TMEM132D: variants seen among roughly 807,000 people sequenced by gnomAD.
TMEM132D encodes transmembrane protein 132D, also known as mature OL transmembrane protein.
A neutral mutation model predicts 62.3 loss-of-function variants in TMEM132D; 21 were observed. The observed-to-expected ratio is 0.34, with a 90% CI of 0.24 to 0.49. The LOEUF (loss-of-function observed/expected upper bound fraction) is 0.49, where lower values mean the gene tolerates loss of function less well. Ranked by LOEUF, TMEM132D falls within the 20% of genes least tolerant of loss-of-function variation. TMEM132D has a pLI of 0.99. For synonymous variants in TMEM132D, 621 were observed against 575.6 expected (o/e 1.08, Z -1.13); for missense variants, 1,346 against 1,402.8 (o/e 0.96, Z 0.65).
chr12:129,669,325 G>T (rs565992788), intron 2 of TMEM132D, among the ~76,000 whole-genome samples: 1 of 152,250 alleles, frequency 6.6e-6, no homozygotes, highest in East Asian at 1.9e-4. Flanking sequence ...TGTTCTTGAG[G>T]TTTTTTCCTG....
intron 4 of TMEM132D, among the ~76,000 whole-genome samples, chr12:129,221,310 C>G (rs2135573575): frequency 6.6e-6 from 1 of 152,322 alleles, no homozygotes; most frequent in East Asian, 1.9e-4. Context: ...TCCTGACCCA[C>G]ACAGGACATA....
intron 3 of TMEM132D, among the ~76,000 whole-genome samples, chr12:129,474,217 C>T (rs1251413688): frequency 6.6e-6 from 1 of 152,202 alleles, no homozygotes; most frequent in East Asian, 1.9e-4. Context: ...TCTCCAAAAC[C>T]ACAGTAATAT....
Position 129,073,809 on chromosome 12 carries a change from G to A in TMEM132D, c.*66C>T, listed in dbSNP as rs1340126742. On this transcript the variant is annotated 3_prime_UTR_variant, in exon 9 of 9. Coordinates refer to ENST00000422113, the MANE Select transcript of TMEM132D (RefSeq NM_133448.3). The stretch of plus-strand genomic sequence containing the variant: ...GCTTTGTTTCTCTTCCGGGGGCACC[G>A]TTGCTACACATCCTGGAATTAAAGG... The A allele has an allele frequency of 1.2e-5, 17 of 1,379,910 alleles. No homozygotes were observed. The highest frequency in any genetic ancestry group is 2.9e-5 in the African/African-American group (2 of 69,022). The allele number at this position is 1,379,910 out of a possible 1,614,324, so 85.5% of individuals were successfully genotyped here.
At chr12:129,224,373 C>G (rs12309767) in intron 4 of TMEM132D, among the ~76,000 whole-genome samples, 1 of 152,042 alleles carries the variant, frequency 6.6e-6, no homozygotes, top group African/African-American at 2.4e-5. Flanking sequence ...TTACTTGATA[C>G]AAAATTTGTT....
In TMEM132D at chr12:129,348,474, G is replaced by A. The variant is rs11612635; in HGVS notation, c.1116-10657C>T. On this transcript the variant is annotated intron_variant, in intron 3 of 8. Transcript: ENST00000422113. ...ACAGGAACAGAAAACCAAACACCAC[G>A]TGTTCCCACTCATAAGTGGGAGTTT... Among the ~76,000 whole-genome samples the A allele has an allele frequency of 9.9e-3, 1,511 of 152,052 alleles. 11 individuals carry two copies. Among genetic ancestry groups the A allele is most frequent in the Middle Eastern group, 0.02 (6 of 294 alleles).
Position 129,524,926 on chromosome 12 carries a change from T to C in TMEM132D, c.1115+6133A>G, listed in dbSNP as rs1431331583. ...ATTATTTTCATATTTTTTTCTTTTT[T>C]CTTTTTTTTTTTTTTTTTGAGACGG... is the stretch of plus-strand genomic sequence containing the variant. On this transcript the variant is annotated intron_variant, in intron 3 of 8. Transcript: ENST00000422113. Among the ~76,000 whole-genome samples, 62 of 75,842 alleles carry C rather than the reference T, an allele frequency of 8.2e-4. 5 individuals carry two copies. The highest frequency in any genetic ancestry group is 3.2e-3 in the African/African-American group (61 of 19,354). 49.8% of individuals were successfully genotyped at this position (75,842 alleles called of 152,430 possible).
chr12:129,853,029 G>A (rs1159547393), intron 1 of TMEM132D: 1 of 152,182 alleles, frequency 6.6e-6, no homozygotes, highest in Non-Finnish European at 1.5e-5. Context: ...CATGACGGAA[G>A]ACTGATGGTT....
At chr12:129,153,220 C>A (rs1877128646) in intron 5 of TMEM132D, among the ~76,000 whole-genome samples, 1 of 152,106 alleles carries the variant, frequency 6.6e-6, no homozygotes, top group African/African-American at 2.4e-5. Context: ...CAGCCCTGTG[C>A]CAGACACTGG....
chr12:129,829,534 C>A (rs1475827768), intron 1 of TMEM132D, among the ~76,000 whole-genome samples: 1 of 152,158 alleles, frequency 6.6e-6, no homozygotes, highest in Non-Finnish European at 1.5e-5. Context: ...AAACTCAGGG[C>A]CTCCTTGTCT....
intron 3 of TMEM132D, among the ~76,000 whole-genome samples, chr12:129,394,049 A>G (rs950330496): frequency 1.3e-5 from 2 of 152,170 alleles, no homozygotes; most frequent in African/African-American, 4.8e-5. Context: ...TTCCCCCTTA[A>G]CAAGGCAAAA....
intron 1 of TMEM132D, among the ~76,000 whole-genome samples, chr12:129,898,348 T>G (rs1393410288): frequency 6.6e-6 from 1 of 152,112 alleles, no homozygotes; most frequent in Non-Finnish European, 1.5e-5. Flanking sequence ...AAATACCCAT[T>G]TTTTTGTCCC....
At position 129,902,876 on chromosome 12, in the gene TMEM132D, C is replaced by T. The variant is rs1875407020; in HGVS notation, c.79+385G>A. On this transcript the variant is annotated intron_variant, in intron 1 of 8. Transcript: ENST00000422113. ...GTCAATCCCAAATTCCAGAAATCTC[C>T]CTGGTCATCTCAATCCCCTCCTCCC... 2.0e-5 allele frequency among the ~76,000 whole-genome samples: 3 copies of T among 152,222 alleles called. No individual in the cohort carries two copies. In the South Asian group the frequency reaches 6.2e-4, roughly 31 times the overall value.
At chr12:129,362,358 G>A (rs1024991878) in intron 3 of TMEM132D, among the ~76,000 whole-genome samples, 2 of 152,050 alleles carry the variant, frequency 1.3e-5, no homozygotes, top group African/African-American at 2.4e-5. Context: ...TCAAAAGTGA[G>A]GCAATATTCT....
At chr12:129,637,882 C>A (rs142320238) in intron 2 of TMEM132D, among the ~76,000 whole-genome samples, 1 of 152,244 alleles carries the variant, frequency 6.6e-6, no homozygotes, top group Non-Finnish European at 1.5e-5. Context: ...CTCACCCACT[C>A]ACTATCACAA....
intron 1 of TMEM132D, among the ~76,000 whole-genome samples, chr12:129,810,574 CCCCCCACACT>C (rs984369735): frequency 4.1e-4 from 2 of 4,826 alleles, no homozygotes; most frequent in Non-Finnish European, 8.6e-4. Flanking sequence ...ACACACACAC[CCCCCCACACT>C]CTTTAACCTG....
chr12:129,692,755 C>T (rs1881092381), intron 2 of TMEM132D, among the ~76,000 whole-genome samples: 1 of 152,030 alleles, frequency 6.6e-6, no homozygotes, highest in Non-Finnish European at 1.5e-5. Context: ...GAACAGAAAA[C>T]CAAACACCAC....
At chr12:129,535,639 C>T (rs775505925) in intron 2 of TMEM132D, among the ~76,000 whole-genome samples, 4 of 152,128 alleles carry the variant, frequency 2.6e-5, no homozygotes, top group Non-Finnish European at 4.4e-5. Context: ...ATGAAATTCA[C>T]ACTGGGGCTA....
intron 3 of TMEM132D, among the ~76,000 whole-genome samples, chr12:129,393,981 A>G (rs1871355261): frequency 6.6e-6 from 1 of 152,214 alleles, no homozygotes; most frequent in South Asian, 2.1e-4. Context: ...TTTTCCTGAC[A>G]GGATCATCAT....
chr12:129,253,289 A>G (rs1880318762), intron 4 of TMEM132D, among the ~76,000 whole-genome samples: 1 of 152,082 alleles, frequency 6.6e-6, no homozygotes, highest in Non-Finnish European at 1.5e-5. Context: ...AAACTACCAG[A>G]AAGCCTTGAA....
Sources: gnomAD v4.1 joint callset for allele counts (sites outside exome capture counted in the v4.1 genomes callset) on GRCh38, gnomAD v4.1.1 for gene constraint, MANE v1.5 for transcripts, NCBI Gene and HGNC (gene_info 2026-07-23, HGNC 2026-07-21) for gene names.